The following GRID1 variants were observed in gnomAD, a reference collection of about 807,000 sequenced individuals.
GRID1 encodes glutamate ionotropic receptor delta type subunit 1.
GRID1 carries 28 observed loss-of-function variants against 98.0 expected under a neutral mutation model. The ratio of observed to expected loss-of-function variants is 0.29; its 90% CI spans 0.21 to 0.39. The LOEUF (loss-of-function observed/expected upper bound fraction) is 0.39, where lower values mean the gene tolerates loss of function less well. GRID1 is among the 10% of genes least tolerant of loss of function. GRID1 has a pLI of 1.00. For missense variants in GRID1, 1,111 were observed against 1,340.5 expected, an observed-to-expected ratio of 0.83 and a Z score of 2.67; for synonymous variants, 553 against 538.5, an observed-to-expected ratio of 1.03 and a Z score of -0.37.
At chr10:85,978,310 C>T (rs77629902) in intron 4 of GRID1, among the ~76,000 whole-genome samples, 19,659 of 152,150 alleles carry the variant, frequency 0.13, 1,417 homozygotes, top group Admixed American at 0.22. Context: ...TGATATGTTG[C>T]CCAAGCCGAA....
At chr10:85,809,300 C>A (rs1842649999) in intron 8 of GRID1, among the ~76,000 whole-genome samples, 1 of 152,026 alleles carries the variant, frequency 6.6e-6, no homozygotes, top group Non-Finnish European at 1.5e-5. Context: ...GAGAAAGTAT[C>A]ACAACTTAAA....
At chr10:86,237,915 G>A (rs957604988) in intron 2 of GRID1, among the ~76,000 whole-genome samples, 2 of 152,080 alleles carry the variant, frequency 1.3e-5, no homozygotes, top group African/African-American at 4.8e-5. Flanking sequence ...TTTGAGAACC[G>A]ACGAATACAG....
chr10:85,642,469 A>T (rs1843133662), intron 13 of GRID1, among the ~76,000 whole-genome samples: 1 of 152,202 alleles, frequency 6.6e-6, no homozygotes, highest in Non-Finnish European at 1.5e-5. Context: ...TGTCCCTTCC[A>T]CCATGAAATC....
intron 4 of GRID1, among the ~76,000 whole-genome samples, chr10:85,988,513 A>G (rs938268350): frequency 6.6e-6 from 1 of 152,132 alleles, no homozygotes; most frequent in African/African-American, 2.4e-5. Context: ...CTGCTCCCCA[A>G]CCTGGGCCTT....
In GRID1 at chr10:86,238,700, G is replaced by A. The variant is rs138687271; in HGVS notation, c.236-32052C>T. ...AAAAAAAAAAAAAAAAGCGTTTGGC[G>A]GGGCAAGGTACAGCTTGGGCTTCAG... On this transcript the variant is annotated intron_variant, in intron 2 of 15. Transcript: ENST00000327946. 7.0e-3 allele frequency among the ~76,000 whole-genome samples: 1,056 copies of A among 151,798 alleles called. 10 individuals are homozygous for A. Among genetic ancestry groups the A allele is most frequent in the African/African-American group, 0.017 (721 of 41,380 alleles).
At chr10:85,782,081 C>T (rs1842386674) in intron 8 of GRID1, among the ~76,000 whole-genome samples, 1 of 152,176 alleles carries the variant, frequency 6.6e-6, no homozygotes, top group Non-Finnish European at 1.5e-5. Flanking sequence ...TTAATGTTCT[C>T]ATAATAATTT....
chr10:86,095,246 A>C (rs2131940976), intron 4 of GRID1, among the ~76,000 whole-genome samples: 1 of 152,368 alleles, frequency 6.6e-6, no homozygotes, highest in African/African-American at 2.4e-5. Flanking sequence ...TGAAACTATA[A>C]AAATTCTACA....
chr10:85,772,298 G>A (rs1411266795), intron 8 of GRID1, among the ~76,000 whole-genome samples: 1 of 151,950 alleles, frequency 6.6e-6, no homozygotes, highest in Non-Finnish European at 1.5e-5. Context: ...CAACATACGA[G>A]AATCTCTGGG....
chr10:86,110,846 A>G (rs1171418471), intron 4 of GRID1, among the ~76,000 whole-genome samples: 5 of 152,262 alleles, frequency 3.3e-5, no homozygotes, highest in Non-Finnish European at 7.3e-5. Context: ...TTCTTCACTC[A>G]TTGATTCATG....
At chr10:86,189,324 C>A (rs61857807) in intron 3 of GRID1, among the ~76,000 whole-genome samples, 5 of 151,976 alleles carry the variant, frequency 3.3e-5, no homozygotes, top group Non-Finnish European at 2.9e-5. Flanking sequence ...CCTAACTAGT[C>A]GGCTTCCAAC....
chr10:86,330,158 A>G (rs1000021331), intron 2 of GRID1, among the ~76,000 whole-genome samples: 3 of 151,240 alleles, frequency 2.0e-5, no homozygotes, highest in Admixed American at 6.6e-5. Context: ...CTGCATCCCC[A>G]GCCCCGGGGA....
chr10:86,287,317 G>A (rs537555653), intron 2 of GRID1, among the ~76,000 whole-genome samples: 35 of 152,218 alleles, frequency 2.3e-4, no homozygotes, highest in Non-Finnish European at 1.5e-4. Context: ...CAATTCTCTC[G>A]TAACTAAAAG....
At chr10:85,664,290 G>A (rs1840996163) in intron 12 of GRID1, among the ~76,000 whole-genome samples, 1 of 152,120 alleles carries the variant, frequency 6.6e-6, no homozygotes, top group Admixed American at 6.6e-5. Flanking sequence ...GCAAGTATGA[G>A]CATCTCTATT....
At chr10:86,257,259 T>A (rs544674546) in intron 2 of GRID1, among the ~76,000 whole-genome samples, 1 of 152,198 alleles carries the variant, frequency 6.6e-6, no homozygotes, top group Non-Finnish European at 1.5e-5. Flanking sequence ...TGGCAGAGTC[T>A]CTAGTGATAG....
At chr10:86,042,759 C>A (rs543536338) in intron 4 of GRID1, among the ~76,000 whole-genome samples, 1 of 152,136 alleles carries the variant, frequency 6.6e-6, no homozygotes, top group Non-Finnish European at 1.5e-5. Context: ...AAGATGCCAA[C>A]ACAGAGAAAA....
Position 86,229,916 on chromosome 10 carries a change from A to T in GRID1, c.236-23268T>A, listed in dbSNP as rs138309960. 4.8e-3 allele frequency among the ~76,000 whole-genome samples: 732 copies of T among 152,144 alleles called. 7 individuals carry two copies. Among genetic ancestry groups the T allele is most frequent in the African/African-American group, 0.017 (704 of 41,502 alleles). ...CATAGAGTCCTGTCCTCAGGCAGTC[A>T]CTCCACCATATGGCCACACCTGTCT... On this transcript the variant is annotated intron_variant, in intron 2 of 15. Coordinates refer to ENST00000327946, the MANE Select transcript of GRID1 (RefSeq NM_017551.3).
intron 12 of GRID1, among the ~76,000 whole-genome samples, chr10:85,708,299 G>T (rs1448205498): frequency 2.0e-5 from 3 of 151,896 alleles, no homozygotes; most frequent in Non-Finnish European, 4.4e-5. Flanking sequence ...AGCTACTCGG[G>T]AGGCTGAGGC....
intron 2 of GRID1, among the ~76,000 whole-genome samples, chr10:86,340,906 C>T (rs1848301284): frequency 6.6e-6 from 1 of 152,124 alleles, no homozygotes; most frequent in African/African-American, 2.4e-5. Flanking sequence ...GGAGCCTACT[C>T]CTGCTCAGGC....
At chr10:85,723,863 C>G (rs932869787) in intron 11 of GRID1, among the ~76,000 whole-genome samples, 1 of 152,156 alleles carries the variant, frequency 6.6e-6, no homozygotes, top group Non-Finnish European at 1.5e-5. Flanking sequence ...ATTTGTTGCT[C>G]CAGTCAAAAT....
Sources: allele counts gnomAD v4.1 joint callset (sites outside exome capture counted in the v4.1 genomes callset), GRCh38; gene constraint gnomAD v4.1.1; transcripts MANE v1.5; gene names NCBI Gene and HGNC (gene_info 2026-07-23, HGNC 2026-07-21).